Variants in FREM2 observed in about 807,000 individuals in gnomAD.
FREM2 encodes FRAS1 related extracellular matrix 2.
Under a neutral mutation model 219.9 loss-of-function variants are expected in FREM2, and 119 were observed. That is an observed-to-expected ratio of 0.54 (90% confidence interval 0.47 to 0.63). The LOEUF is 0.63. FREM2 is among the 30% of genes least tolerant of loss of function. The pLI is 0.00. For missense variants in FREM2, 4,030 were observed against 3,993.6 expected (o/e 1.01, Z -0.25); for synonymous variants, 1,562 against 1,522.8 (o/e 1.03, Z -0.60).
rs561593683 is a variant in FREM2, at chr13:38,877,391, T to A, written c.8671+148T>A. 91 of 903,538 alleles carry A rather than the reference T, an allele frequency of 1.0e-4. No homozygotes were observed. In the African/African-American group the frequency reaches 1.3e-3, roughly 13 times the overall value. 56.0% of individuals were successfully genotyped at this position (903,538 alleles called of 1,614,324 possible). A position where few individuals can be genotyped will look rare whatever the true frequency, so the allele number is the denominator to read the frequency against. Reference sequence around the variant, plus strand: ...GGGTCTTTACCCACTCTGGCTGGTGTGGGAAGTCGTTGCGATTGGGTATAT... The same window carrying A: ...GGGTCTTTACCCACTCTGGCTGGTGAGGGAAGTCGTTGCGATTGGGTATAT... On this transcript the variant is annotated intron_variant, in intron 21 of 23. Transcript: ENST00000280481.
chr13:38,861,339 C>A, intron 14 of FREM2, 92 bp from the exon 15 acceptor site: 1 of 1,343,920 alleles, frequency 7.4e-7, no homozygotes, highest in Non-Finnish European at 1.1e-6. Context: ...TGAAAGTACA[C>A]AGAAAAATAA....
At chr13:38,754,687 C>T (rs1453361936) in intron 2 of FREM2, among the ~76,000 whole-genome samples, 1 of 152,144 alleles carries the variant, frequency 6.6e-6, no homozygotes, top group Admixed American at 6.6e-5. Context: ...CTCTCCTCTG[C>T]AGGCATTTTC....
rs146875196 is a variant in FREM2, at chr13:38,838,531, C to T, written c.6020-8042C>T. ...TGTCTTGCTAGGTTGAGGAAGTTCT[C>T]CTGGATAATATCCTAAAGTGTGTTT... On this transcript the variant is annotated intron_variant, in intron 6 of 23. Transcript: ENST00000280481. Among the ~76,000 whole-genome samples the T allele has an allele frequency of 3.5e-3, 536 of 152,286 alleles. 2 individuals carry two copies. Among genetic ancestry groups the T allele is most frequent in the African/African-American group, 0.012 (512 of 41,548 alleles).
intron 2 of FREM2, among the ~76,000 whole-genome samples, chr13:38,730,979 T>C (rs1346977538): frequency 6.6e-6 from 1 of 152,062 alleles, no homozygotes; most frequent in East Asian, 1.9e-4. Context: ...CTGAGAAATA[T>C]TAATGTTCTT....
At chr13:38,706,547 G>A (rs1870548416) in intron 2 of FREM2, among the ~76,000 whole-genome samples, 1 of 144,650 alleles carries the variant, frequency 6.9e-6, no homozygotes, top group Middle Eastern at 3.6e-3. Context: ...TGAGTGTTGT[G>A]TGTATGTAGA....
chr13:38,869,795 GTTAAA>G (rs1878098358), intron 16 of FREM2, among the ~76,000 whole-genome samples: 1 of 152,278 alleles, frequency 6.6e-6, no homozygotes, highest in African/African-American at 2.4e-5. Flanking sequence ...GGTTATTAAA[GTTAAA>G]TTAAGTTCTT....
At chr13:38,713,360 C>T (rs943011484) in intron 2 of FREM2, among the ~76,000 whole-genome samples, 2 of 152,150 alleles carry the variant, frequency 1.3e-5, no homozygotes, top group Admixed American at 1.3e-4. Context: ...GTAGCAGTGT[C>T]TCAGGAATGT....
At chr13:38,773,532 AG>A (rs1873754770) in intron 4 of FREM2, among the ~76,000 whole-genome samples, 1 of 152,120 alleles carries the variant, frequency 6.6e-6, no homozygotes. Flanking sequence ...CTAGTATTAG[AG>A]GTACACACCA....
chr13:38,851,725 C>T lies in FREM2; in HGVS notation c.6782C>T (p.Thr2261Ile). The T allele has an allele frequency of 6.2e-7, 1 of 1,613,552 alleles. No homozygotes were observed. The highest frequency in any genetic ancestry group is 8.5e-7 in the Non-Finnish European group (1 of 1,179,508). ...IKFGETKFSV[T>I]EPKEPGESVV... ...TTTGGAGAAACCAAATTTAGTGTCACTGAACCCAAAGAACCTGGAGAGTCG... is the reference window on the plus strand; with the variant it reads ...TTTGGAGAAACCAAATTTAGTGTCATTGAACCCAAAGAACCTGGAGAGTCG... Residue 2261 changes from threonine to isoleucine, a missense_variant, in exon 11 of 24, where the codon ACT (threonine) becomes ATT (isoleucine). Coordinates refer to ENST00000280481, the MANE Select transcript of FREM2 (RefSeq NM_207361.6).
chr13:38,816,681 G>A (rs184869028), intron 6 of FREM2, among the ~76,000 whole-genome samples: 5 of 152,176 alleles, frequency 3.3e-5, no homozygotes, highest in Admixed American at 2.0e-4. Context: ...AAAGATGCCC[G>A]CTTTTACCAT....
chr13:38,775,303 A>G (rs1873826243), intron 4 of FREM2, among the ~76,000 whole-genome samples: 1 of 152,232 alleles, frequency 6.6e-6, no homozygotes, highest in South Asian at 2.1e-4. Flanking sequence ...AAGGTCCAGA[A>G]TTAATGAAAC....
In FREM2 at chr13:38,859,547, C is replaced by T; in HGVS notation, c.7476C>T (p.Gly2492=). 1 of 1,614,054 alleles carries T rather than the reference C, an allele frequency of 6.2e-7. No individual in the cohort carries two copies. Among genetic ancestry groups the T allele is most frequent in the Non-Finnish European group, 8.5e-7 (1 of 1,180,002 alleles). ...ARAVNTNGDE[G]LELMSPIVTI... ...CTGTGAACACCAATGGGGATGAAGG[C>T]CTGGAGCTCATGAGCCCTATTGTAA... The change falls in exon 14 of 24, where the codon GGC becomes GGT. Residue 2492 remains glycine, a synonymous_variant. Transcript: ENST00000280481.
intron 6 of FREM2, among the ~76,000 whole-genome samples, chr13:38,786,116 T>C (rs909961473): frequency 6.6e-6 from 1 of 152,226 alleles, no homozygotes; most frequent in African/African-American, 2.4e-5. Flanking sequence ...TATTGTTAAC[T>C]AGAGTCACCC....
At chr13:38,813,508 CTCTCTCTCT>C (rs1875597526) in intron 6 of FREM2, among the ~76,000 whole-genome samples, 1 of 12,258 alleles carries the variant, frequency 8.2e-5, no homozygotes, top group African/African-American at 2.7e-4. Flanking sequence ...CTCTCTCTCT[CTCTCTCTCT>C]CCTCTCTCTC....
chr13:38,709,416 A>G (rs1230422839), intron 2 of FREM2, among the ~76,000 whole-genome samples: 1 of 152,158 alleles, frequency 6.6e-6, no homozygotes, highest in Admixed American at 6.6e-5. Context: ...ATTGTAAAAT[A>G]TTATATATGT....
intron 16 of FREM2, 148 bp downstream of exon 16, chr13:38,864,754 A>G (rs1877898245): frequency 1.1e-5 from 8 of 723,818 alleles, no homozygotes; most frequent in Non-Finnish European, 2.0e-5. Flanking sequence ...ACTGGCATGG[A>G]TGGTGTGAAA....
At chr13:38,839,561 C>T (rs1424626439) in intron 6 of FREM2, among the ~76,000 whole-genome samples, 1 of 152,202 alleles carries the variant, frequency 6.6e-6, no homozygotes, top group Non-Finnish European at 1.5e-5. Context: ...GCTGTGCCCA[C>T]AGTCGCCCCT....
Position 38,876,385 on chromosome 13 carries a change from G to A in FREM2, c.8544+3G>A. ...ACCTTGACATCCGATTCCAACAGGT[G>A]TGGCTTATAGAATTACTATCTTATG... On this transcript the variant is annotated splice_donor_region_variant and intron_variant, in intron 20 of 23. Coordinates refer to ENST00000280481, the MANE Select transcript of FREM2 (RefSeq NM_207361.6). The A allele has an allele frequency of 2.5e-6, 4 of 1,612,552 alleles. No individual in the cohort carries two copies. The highest frequency in any genetic ancestry group is 1.1e-5 in the South Asian group (1 of 91,036).
chr13:38,748,134 G>C (rs1266524032), intron 2 of FREM2, among the ~76,000 whole-genome samples: 2 of 152,080 alleles, frequency 1.3e-5, no homozygotes, highest in African/African-American at 4.8e-5. Flanking sequence ...AAAAAAAAGG[G>C]CTGGGGCATT....
Sources: allele counts gnomAD v4.1 joint callset (sites outside exome capture counted in the v4.1 genomes callset), GRCh38; gene constraint gnomAD v4.1.1; transcripts MANE v1.5; gene names NCBI Gene and HGNC (gene_info 2026-07-23, HGNC 2026-07-21).